The following NUDT16L1 variants were observed in gnomAD, a reference collection of about 807,000 sequenced individuals.
The protein encoded by NUDT16L1 is nudix hydrolase 16 like 1, also known as tudor-interacting repair regulator protein.
NUDT16L1 carries 19 observed loss-of-function variants against 17.3 expected under a neutral mutation model. The observed-to-expected ratio is 1.10, with a 90% CI of 0.77 to 1.61. NUDT16L1 has a LOEUF of 1.61. NUDT16L1 is among the 40% of genes most tolerant of loss of function. The probability of loss-of-function intolerance (pLI) is 0.00; values close to 1 mark genes in which losing one functional copy is unlikely to be tolerated. For missense variants in NUDT16L1, 341 were observed against 292.0 expected (o/e 1.17, Z -1.22); for synonymous variants, 255 against 138.6 (o/e 1.84, Z -5.90).
exon 3 of NUDT16L1, chr16:4,695,324 C>T (rs908673644): frequency 5.9e-6 from 5 of 841,490 alleles, no homozygotes; most frequent in Non-Finnish European, 9.1e-6. Context: ...CTGTCCCAAG[C>T]AGTCACTAGG....
At position 4,694,787 on chromosome 16, in the gene NUDT16L1, C is replaced by T. The variant is rs1380489677; in HGVS notation, c.415-171C>T. The T allele has an allele frequency of 1.3e-5, 19 of 1,442,244 alleles. No individual in the cohort carries two copies. In the South Asian group the frequency reaches 1.5e-4, roughly 11 times the overall value. The allele number at this position is 1,442,244 out of a possible 1,614,324, so 89.3% of individuals were successfully genotyped here. ...CACTTGCTTGGGGAGGAGGGGGCTGCACTGCTCCGAGGGAGCTGGCTGGCT... is the reference window on the plus strand; with the variant it reads ...CACTTGCTTGGGGAGGAGGGGGCTGTACTGCTCCGAGGGAGCTGGCTGGCT... On this transcript the variant is annotated intron_variant, in intron 2 of 2. Coordinates refer to ENST00000304301, the Ensembl canonical transcript of NUDT16L1.
At chr16:4,693,565 G>C (rs1321720382), upstream of NUDT16L1, 1 of 760,640 alleles carries the variant, frequency 1.3e-6, no homozygotes, top group East Asian at 3.8e-5. Context: ...ACCTCTCGAC[G>C]ACGCACCGCG....
exon 3 of NUDT16L1, chr16:4,695,173 C>T: frequency 6.2e-7 from 1 of 1,612,184 alleles, no homozygotes; most frequent in South Asian, 1.1e-5. Flanking sequence ...TCCCGGCCTC[C>T]TCTTGAGGGC....
At chr16:4,694,699 G>T in intron 2 of NUDT16L1, 1 of 1,424,920 alleles carries the variant, frequency 7.0e-7, no homozygotes, top group East Asian at 2.5e-5. Context: ...GGAGCATGGG[G>T]TGCGGACCCC....
In NUDT16L1 at chr16:4,695,697, T is replaced by C. The variant is rs913817592; in HGVS notation, c.*518T>C. ...GTTGGATTTACTTTGCTAGATTTTC[T>C]CTTTCACCACGTGTGAACTGTGGGT... On this transcript the variant is annotated 3_prime_UTR_variant, in exon 3 of 3. Coordinates refer to ENST00000304301, the Ensembl canonical transcript of NUDT16L1. 1.2e-5 allele frequency: 5 copies of C among 404,584 alleles called. No homozygotes were observed. In the East Asian group the frequency reaches 1.4e-4, roughly 11 times the overall value. 25.1% of individuals were successfully genotyped at this position (404,584 alleles called of 1,614,324 possible).
At chr16:4,695,324 C>A (rs908673644) in exon 3 of NUDT16L1, 2 of 841,604 alleles carry the variant, frequency 2.4e-6, no homozygotes, top group South Asian at 1.7e-5. Context: ...CTGTCCCAAG[C>A]AGTCACTAGG....
intron 1 of NUDT16L1, 30 bp from the exon 2 acceptor site, chr16:4,693,948 C>T (rs1043330222): frequency 1.3e-6 from 2 of 1,515,156 alleles, no homozygotes; most frequent in African/African-American, 1.5e-5. Context: ...GTCCGTCGAC[C>T]CCGCGGCTGT....
At chr16:4,694,350 G>T in intron 2 of NUDT16L1, 112 bp downstream of exon 2, 8 of 1,483,244 alleles carry the variant, frequency 5.4e-6, no homozygotes, top group Non-Finnish European at 7.1e-6. Context: ...GCTGGGTCGG[G>T]TGTCGCTGTC....
At chr16:4,694,154 G>C (rs779286137) in exon 2 of NUDT16L1, 9 of 1,585,784 alleles carry the variant, frequency 5.7e-6, no homozygotes, top group Non-Finnish European at 7.7e-6. Flanking sequence ...GCGTCGTGGC[G>C]CACCTGTACG....
chr16:4,693,980 G>A, exon 2 of NUDT16L1: 2 of 1,575,332 alleles, frequency 1.3e-6, no homozygotes, highest in African/African-American at 1.4e-5. Flanking sequence ...CCTTGCAGAT[G>A]CAGATGCGTT....
At chr16:4,695,002 A>C in exon 3 of NUDT16L1, 1 of 1,612,298 alleles carries the variant, frequency 6.2e-7, no homozygotes, top group Non-Finnish European at 8.5e-7. Flanking sequence ...AGAAGGACCG[A>C]GTCGGAGGCT....
chr16:4,693,728 T>TGTC, exon 1 of NUDT16L1: 2 of 1,529,280 alleles, frequency 1.3e-6, no homozygotes, highest in East Asian at 2.7e-5. Context: ...AGTGCCAAGA[T>TGTC]GTCGACGGCG....
At chr16:4,693,727 A>G in exon 1 of NUDT16L1, 1 of 1,528,570 alleles carries the variant, frequency 6.5e-7, no homozygotes, top group Non-Finnish European at 8.8e-7. Context: ...CAGTGCCAAG[A>G]TGTCGACGGC....
At chr16:4,694,668 G>T in intron 2 of NUDT16L1, 1 of 1,421,024 alleles carries the variant, frequency 7.0e-7, no homozygotes, top group Non-Finnish European at 9.2e-7. Flanking sequence ...CGGGTGTTCA[G>T]GCTTCGTTGG....
rs995538984 is a variant in NUDT16L1 at position 4,694,576 on chromosome 16, G to T, written c.414+338G>T. Reference sequence around the variant, plus strand: ...GGGAGTTGGGAAACTTGAGCACAGCGGGGGTTGTAAAACTTGGGAACCTCA... The same window carrying T: ...GGGAGTTGGGAAACTTGAGCACAGCTGGGGTTGTAAAACTTGGGAACCTCA... On this transcript the variant is annotated intron_variant, in intron 2 of 2. Coordinates refer to ENST00000304301, the Ensembl canonical transcript of NUDT16L1. 3.5e-6 allele frequency: 5 copies of T among 1,444,322 alleles called. No individual in the cohort carries two copies. In the African/African-American group the frequency reaches 5.7e-5, roughly 17 times the overall value. 89.5% of individuals were successfully genotyped at this position (1,444,322 alleles called of 1,614,324 possible).
Position 4,693,890 on chromosome 16 carries a change from G to T in NUDT16L1, c.153+11G>T. 6.7e-7 allele frequency: 1 copy of T among 1,499,728 alleles called. No homozygotes were observed. 92.9% of individuals were successfully genotyped at this position (1,499,728 alleles called of 1,614,324 possible). A position where few individuals can be genotyped will look rare whatever the true frequency, so the allele number is the denominator to read the frequency against. On this transcript the variant is annotated intron_variant, in intron 1 of 2. Coordinates refer to ENST00000304301, the Ensembl canonical transcript of NUDT16L1. Reference sequence around the variant, plus strand: ...CGCTTCTCGGTGCTGGTGAGGACGGGCGAGGGCGCGGGCGAGGGTGCCGGC... The same window carrying T: ...CGCTTCTCGGTGCTGGTGAGGACGGTCGAGGGCGCGGGCGAGGGTGCCGGC...
exon 3 of NUDT16L1, chr16:4,695,223 G>A: frequency 1.3e-6 from 2 of 1,583,518 alleles, no homozygotes; most frequent in African/African-American, 1.3e-5. Flanking sequence ...CCGGAAGACT[G>A]GGAATTCCTG....
At chr16:4,694,809 G>A in intron 2 of NUDT16L1, 149 bp from the exon 3 acceptor site, 1 of 1,445,616 alleles carries the variant, frequency 6.9e-7, no homozygotes, top group Middle Eastern at 2.5e-4. Flanking sequence ...GGAGCTGGCT[G>A]GCTTCTGCCA....
At chr16:4,694,405 GAAAGGA>G in intron 2 of NUDT16L1, 167 bp downstream of exon 2, 1 of 1,184,728 alleles carries the variant, frequency 8.4e-7, no homozygotes, top group Non-Finnish European at 1.1e-6. Flanking sequence ...GGGAGGCCGG[GAAAGGA>G]GGGGCGGGGG....
Sources: allele counts gnomAD v4.1 joint callset, GRCh38; gene constraint gnomAD v4.1.1; transcripts MANE v1.5; gene names NCBI Gene and HGNC (gene_info 2026-07-23, HGNC 2026-07-21).